The following NXPE2 variants were observed in gnomAD, a reference collection of about 807,000 sequenced individuals.
NXPE2 encodes the protein NXPE family member 2.
In NXPE2, 34 loss-of-function variants were observed where a neutral mutation model predicts 34.4. The ratio of observed to expected loss-of-function variants is 0.99; its 90% CI spans 0.75 to 1.31. The LOEUF is 1.31. Ranked by LOEUF, NXPE2 falls within the 40% of genes most tolerant of loss-of-function variation. NXPE2 has a pLI of 0.00. For missense variants in NXPE2, 649 were observed against 672.5 expected (o/e 0.97, Z 0.39); for synonymous variants, 235 against 231.3 (o/e 1.02, Z -0.15).
chr11:114,632,714 AAT>A, the NXPE2 span, among the ~76,000 whole-genome samples: 3 of 74,068 alleles, frequency 4.1e-5, no homozygotes, highest in African/African-American at 1.1e-4. Context: ...AATATAATAT[AAT>A]ATATATAATA....
chr11:114,609,541 C>T, the NXPE2 span, among the ~76,000 whole-genome samples: 1 of 151,696 alleles, frequency 6.6e-6, no homozygotes, highest in Admixed American at 6.6e-5. Context: ...CACTGTTACC[C>T]AATGGATAAT....
the NXPE2 span, chr11:114,581,620 C>G: frequency 4.5e-6 from 4 of 887,158 alleles, no homozygotes; most frequent in African/African-American, 6.9e-5. Flanking sequence ...GCCAGATGAA[C>G]AGAGTGCTGA....
the NXPE2 span, among the ~76,000 whole-genome samples, chr11:114,562,877 C>G: frequency 6.6e-6 from 1 of 152,168 alleles, no homozygotes; most frequent in South Asian, 2.1e-4. Flanking sequence ...CAAGATAATG[C>G]AGCAAGATAG....
chr11:114,620,626 T>C, the NXPE2 span, among the ~76,000 whole-genome samples: 3 of 151,942 alleles, frequency 2.0e-5, no homozygotes, highest in African/African-American at 7.3e-5. Flanking sequence ...ATAATAAGTG[T>C]TGCCTCTAGA....
intron 2 of NXPE2, among the ~76,000 whole-genome samples, chr11:114,693,408 C>A (rs1271792628): frequency 1.3e-5 from 2 of 152,152 alleles, no homozygotes; most frequent in Admixed American, 1.3e-4. Flanking sequence ...TCAATCTTAC[C>A]CTAAATAGCC....
the NXPE2 span, chr11:114,553,924 T>A: frequency 3.0e-6 from 3 of 985,368 alleles, no homozygotes; most frequent in Non-Finnish European, 3.6e-6. Context: ...ACAGGATTTT[T>A]GTTTTTGTTT....
At chr11:114,715,733 A>G in the NXPE2 span, among the ~76,000 whole-genome samples, 164 of 152,362 alleles carry the variant, frequency 1.1e-3, 1 homozygote, top group African/African-American at 3.7e-3. Flanking sequence ...TTTATGAAGT[A>G]TAAATAAACA....
the NXPE2 span, among the ~76,000 whole-genome samples, chr11:114,757,745 CA>C: frequency 6.6e-6 from 1 of 152,076 alleles, no homozygotes; most frequent in Non-Finnish European, 1.5e-5. Flanking sequence ...ATGGGATACT[CA>C]TTTTATCTTG....
the NXPE2 span, among the ~76,000 whole-genome samples, chr11:114,568,261 G>C: frequency 6.6e-6 from 1 of 152,186 alleles, no homozygotes; most frequent in South Asian, 2.1e-4. Context: ...ATAGTGCTCT[G>C]TGTTCCTTTT....
chr11:114,594,790 A>G, the NXPE2 span: 1 of 1,200,218 alleles, frequency 8.3e-7, no homozygotes, highest in Non-Finnish European at 1.2e-6. Flanking sequence ...CAATACAAAA[A>G]CAAGCACAAA....
chr11:114,696,021 T>A (rs182038514), intron 2 of NXPE2, among the ~76,000 whole-genome samples: 42 of 145,270 alleles, frequency 2.9e-4, no homozygotes, highest in African/African-American at 1.1e-3. Context: ...CCATCTCGAT[T>A]AAGAAAAAAA....
chr11:114,588,802 A>G, the NXPE2 span, among the ~76,000 whole-genome samples: 101 of 152,320 alleles, frequency 6.6e-4, 3 homozygotes, highest in East Asian at 0.019. Flanking sequence ...AGAAGCACTA[A>G]TAAAACACAC....
chr11:114,517,681 G>A, the NXPE2 span, among the ~76,000 whole-genome samples: 3 of 152,310 alleles, frequency 2.0e-5, no homozygotes, highest in East Asian at 1.9e-4. Flanking sequence ...TCACAGCTGT[G>A]CATCTCCATG....
At chr11:114,576,534 A>G in the NXPE2 span, among the ~76,000 whole-genome samples, 3 of 152,166 alleles carry the variant, frequency 2.0e-5, no homozygotes, top group Admixed American at 2.0e-4. Flanking sequence ...AAAGTGGGCT[A>G]TAGACATGAA....
At chr11:114,545,918 T>G in the NXPE2 span, among the ~76,000 whole-genome samples, 2 of 152,002 alleles carry the variant, frequency 1.3e-5, no homozygotes, top group Non-Finnish European at 2.9e-5. Context: ...CTCGATAGCT[T>G]GACTTTGCGA....
At chr11:114,478,033 C>T in the NXPE2 span, among the ~76,000 whole-genome samples, 4 of 152,020 alleles carry the variant, frequency 2.6e-5, no homozygotes, top group African/African-American at 7.3e-5. Flanking sequence ...GACTAGAGTT[C>T]CTGCTATATC....
chr11:114,631,888 T>C, the NXPE2 span, among the ~76,000 whole-genome samples: 2 of 151,006 alleles, frequency 1.3e-5, no homozygotes, highest in Non-Finnish European at 3.0e-5. Flanking sequence ...ACCCAGTGGA[T>C]AATAAGTATT....
the NXPE2 span, among the ~76,000 whole-genome samples, chr11:114,533,668 C>CA: frequency 6.6e-6 from 1 of 152,240 alleles, no homozygotes; most frequent in Non-Finnish European, 1.5e-5. Flanking sequence ...GGTCCTACGC[C>CA]CACGGAGCCT....
At chr11:114,659,807 A>G in the NXPE2 span, among the ~76,000 whole-genome samples, 1 of 152,226 alleles carries the variant, frequency 6.6e-6, no homozygotes, top group East Asian at 1.9e-4. Context: ...AGCAGAGGAA[A>G]ACAATAATGT....
Sources: gnomAD v4.1 joint callset for allele counts (sites outside exome capture counted in the v4.1 genomes callset) on GRCh38, gnomAD v4.1.1 for gene constraint, MANE v1.5 for transcripts, NCBI Gene and HGNC (gene_info 2026-07-23, HGNC 2026-07-21) for gene names.